ANO8: variants seen among roughly 807,000 people sequenced by gnomAD.
ANO8 encodes the protein anoctamin-8.
ANO8 carries 67 observed loss-of-function variants against 120.4 expected under a neutral mutation model. The observed-to-expected ratio is 0.56, with a 90% CI of 0.46 to 0.68. ANO8 has a LOEUF of 0.68. Ranked by LOEUF, ANO8 falls within the 30% of genes least tolerant of loss-of-function variation. The pLI is 0.00. For missense variants in ANO8, 1,526 were observed against 1,737.6 expected (o/e 0.88, Z 2.16); for synonymous variants, 727 against 759.2 (o/e 0.96, Z 0.70).
chr19:17,328,599 C>T lies in ANO8; in HGVS notation c.1789G>A (p.Glu597Lys). The change falls in exon 13 of 18, where the codon GAG becomes AAG. Residue 597 changes from glutamate to lysine, a missense_variant. Physicochemically the swap from Glu to Lys is moderately conservative, Grantham distance 56. Transcript: ENST00000159087. ...CCTTCCTCGCCCTCCTCCTCGTCCT[C>T]CTCTTCCTCCTCGTCCTCCTCCTCC... ...DEEEEDEEEE[E>K]DEEEGEEGGL... is the part of the protein sequence containing the mutation. 1 of 1,544,546 alleles carries T rather than the reference C, an allele frequency of 6.5e-7. No individual in the cohort carries two copies. The highest frequency in any genetic ancestry group is 8.7e-7 in the Non-Finnish European group (1 of 1,144,898).
Position 17,332,780 on chromosome 19 carries a change from G to A in ANO8, c.586+150C>T, listed in dbSNP as rs1483593699. 3 of 802,560 alleles carry A rather than the reference G, an allele frequency of 3.7e-6. No individual in the cohort carries two copies. In the African/African-American group the frequency reaches 5.2e-5, roughly 14 times the overall value. The allele number at this position is 802,560 out of a possible 1,614,324, so 49.7% of individuals were successfully genotyped here. A position where few individuals can be genotyped will look rare whatever the true frequency, so the allele number is the denominator to read the frequency against. ...AGATAAGCTCCACCCTTTTGCTAAG[G>A]CCACACCCCTTTAGCTCATTGGTTT... On this transcript the variant is annotated intron_variant, in intron 5 of 17. Transcript: ENST00000159087.
At position 17,324,797 on chromosome 19, in the gene ANO8, C is replaced by A; in HGVS notation, c.3251G>T (p.Ser1084Ile). The A allele has an allele frequency of 6.3e-7, 1 of 1,594,736 alleles. No individual in the cohort carries two copies. Among genetic ancestry groups the A allele is most frequent in the Admixed American group, 1.8e-5 (1 of 57,064 alleles). ...CACCGGCCCACTCCTCTGAACCCGG[C>A]TGCTGCCACTGCTGGGGGTCCCATC... ...RPDGTPSSGS[S>I]RVQRSGPVDE... Residue 1084 changes from serine (S) to isoleucine (I), a missense_variant, in exon 17 of 18, where the codon AGC (serine) becomes ATC (isoleucine). Around this residue, in one of 8 missense-constraint regions of ANO8, gnomAD observed 489 missense variants for 548.6 expected, o/e 0.89. Coordinates refer to ENST00000159087, the MANE Select transcript of ANO8 (RefSeq NM_020959.3).
chr19:17,329,504 C>A (rs2074301150), intron 12 of ANO8: 1 of 547,332 alleles, frequency 1.8e-6, no homozygotes, highest in Non-Finnish European at 3.3e-6. Flanking sequence ...CTGCAGCTGC[C>A]GCTCGAGGCT....
In ANO8 at chr19:17,323,888, C is replaced by CAG. The variant is rs2074255671; in HGVS notation, c.3332-5_3332-4insCT. 4.2e-5 allele frequency: 47 copies of CAG among 1,117,810 alleles called. No individual in the cohort carries two copies. The highest frequency in any genetic ancestry group is 4.8e-5 in the Non-Finnish European group (44 of 914,784). 69.2% of individuals were successfully genotyped at this position (1,117,810 alleles called of 1,614,324 possible). On this transcript the variant is annotated splice_region_variant and splice_polypyrimidine_tract_variant and intron_variant, in intron 17 of 17. Coordinates refer to ENST00000159087, the MANE Select transcript of ANO8 (RefSeq NM_020959.3). ...CCCACGGGGGCCAGCGCTGTCCCTG[C>CAG]GGAGGCGAGAGGGGCCGTTCCGGGG...
At position 17,331,144 on chromosome 19, in the gene ANO8, T is replaced by C. The variant is rs761488843; in HGVS notation, c.775A>G (p.Met259Val). ...FAWLGFYTSAMVYPAVFGSVL... is the reference protein window; with the variant it reads ...FAWLGFYTSAVVYPAVFGSVL... ...GACCCGAAGACAGCTGGGTATACCA[T>C]AGCCGACGTGTAGAAGCCCAGCCAG... The change falls in exon 7 of 18, where the codon ATG (methionine) becomes GTG (valine). Residue 259 changes from methionine (M) to valine (V), a missense_variant. Coordinates refer to ENST00000159087, the MANE Select transcript of ANO8 (RefSeq NM_020959.3). The C allele has an allele frequency of 1.4e-5, 23 of 1,614,082 alleles. No homozygotes were observed. Among genetic ancestry groups the C allele is most frequent in the Admixed American group, 1.3e-4 (8 of 60,006 alleles).
Position 17,323,343 on chromosome 19 carries a change from G to T in ANO8, c.*174C>A, listed in dbSNP as rs1175085202. Reference sequence around the variant, plus strand: ...TGTGTGTGTGTGTGTGTGTGTGTGTGTTTTCTGTTGGATTTGTGGGTTTCC... The same window carrying T: ...TGTGTGTGTGTGTGTGTGTGTGTGTTTTTTCTGTTGGATTTGTGGGTTTCC... On this transcript the variant is annotated 3_prime_UTR_variant, in exon 18 of 18. Coordinates refer to ENST00000159087, the MANE Select transcript of ANO8 (RefSeq NM_020959.3). 1.0e-5 allele frequency: 4 copies of T among 394,496 alleles called. No homozygotes were observed. The highest frequency in any genetic ancestry group is 1.8e-5 in the Non-Finnish European group (4 of 228,476). 24.4% of individuals were successfully genotyped at this position (394,496 alleles called of 1,614,324 possible). A position where few individuals can be genotyped will look rare whatever the true frequency, so the allele number is the denominator to read the frequency against.
chr19:17,334,814 C>G lies in ANO8; in HGVS notation c.-144G>C. On this transcript the variant is annotated 5_prime_UTR_variant, in exon 1 of 18. Coordinates refer to ENST00000159087, the MANE Select transcript of ANO8 (RefSeq NM_020959.3). ...GCGCCGGCCTCGGTCCTCGCTCGCC[C>G]GAGCGCTGCTTCTCGTCCCCGCCCG... The G allele has an allele frequency of 1.6e-6, 2 of 1,227,374 alleles. No homozygotes were observed. Among genetic ancestry groups the G allele is most frequent in the Middle Eastern group, 5.7e-4 (2 of 3,488 alleles). The allele number at this position is 1,227,374 out of a possible 1,614,324, so 76.0% of individuals were successfully genotyped here.
At chr19:17,329,279 C>T in intron 12 of ANO8, 1 of 398,846 alleles carries the variant, frequency 2.5e-6, no homozygotes, top group South Asian at 5.0e-5. Context: ...CAGCCGCCTG[C>T]ACCTGCTTGC....
At chr19:17,332,737 A>T (rs966069504) in intron 5 of ANO8, among the ~76,000 whole-genome samples, 193 bp downstream of exon 5, 1 of 152,100 alleles carries the variant, frequency 6.6e-6, no homozygotes, top group Non-Finnish European at 1.5e-5. Flanking sequence ...GTCCTCTCAG[A>T]GCTCCACCCA....
chr19:17,326,216 C>T (rs1284974268), intron 16 of ANO8, among the ~76,000 whole-genome samples: 3 of 152,142 alleles, frequency 2.0e-5, no homozygotes, highest in South Asian at 2.1e-4. Context: ...GAGACAGAAC[C>T]GTGGCTGCAG....
chr19:17,332,933 T>C lies in ANO8; in HGVS notation c.583A>G (p.Ile195Val). 6.2e-7 allele frequency: 1 copy of C among 1,614,098 alleles called. No homozygotes were observed. The highest frequency in any genetic ancestry group is 8.5e-7 in the Non-Finnish European group (1 of 1,180,036). The change falls in exon 5 of 18, where the codon ATC (isoleucine) becomes GTC (valine). Residue 195 changes from isoleucine (I) to valine (V), a missense_variant. By Grantham distance (29) the Ile-to-Val change is conservative. This residue lies in a region of ANO8 where 322 missense variants were observed against 431.8 expected (regional missense o/e 0.75). Coordinates refer to ENST00000159087, the MANE Select transcript of ANO8 (RefSeq NM_020959.3). ...GTGTTGACCCCGCCCTGCTCACTGA[T>C]TGGCTGGTCCTCCAGGAAGCGCACG... ...HNVRFLEDQP[I>V]IPELAARGII... is the part of the protein sequence containing the mutation.
At chr19:17,332,345 G>A (rs1483588797) in intron 5 of ANO8, among the ~76,000 whole-genome samples, 1 of 152,056 alleles carries the variant, frequency 6.6e-6, no homozygotes, top group East Asian at 1.9e-4. Flanking sequence ...CGAACTCCTG[G>A]GCTCAAGTGA....
chr19:17,328,142 A>AGGCCCCGCCCCCTGCGG lies in ANO8; in HGVS notation c.2226+19_2226+20insCCGCAGGGGGCGGGGCC. 5 of 1,405,834 alleles carry AGGCCCCGCCCCCTGCGG rather than the reference A, an allele frequency of 3.6e-6. No individual in the cohort carries two copies. The highest frequency in any genetic ancestry group is 4.8e-6 in the Non-Finnish European group (5 of 1,040,218). The allele number at this position is 1,405,834 out of a possible 1,614,324, so 87.1% of individuals were successfully genotyped here. ...CCCCGGCGAGGCCCCGCCCCCTGCG[A>AGGCCCCGCCCCCTGCGG]GGCCCCGCCCCCTCCTCACCTCGTA... On this transcript the variant is annotated intron_variant, in intron 13 of 17. Coordinates refer to ENST00000159087, the MANE Select transcript of ANO8 (RefSeq NM_020959.3).
At chr19:17,331,664 T>A (rs1260214306) in intron 5 of ANO8, among the ~76,000 whole-genome samples, 3 of 151,734 alleles carry the variant, frequency 2.0e-5, no homozygotes, top group Non-Finnish European at 4.4e-5. Flanking sequence ...TTTTTTTTTT[T>A]TTGAGACAGT....
intron 6 of ANO8, 30 bp from the exon 7 acceptor site, chr19:17,331,245 C>T: frequency 6.2e-7 from 1 of 1,614,156 alleles, no homozygotes. Flanking sequence ...TCTCAGTCAC[C>T]CCCTGCCTGT....
At chr19:17,326,761 G>A (rs1224859481) in intron 16 of ANO8, among the ~76,000 whole-genome samples, 1 of 152,270 alleles carries the variant, frequency 6.6e-6, no homozygotes, top group East Asian at 1.9e-4. Context: ...GCTTTCTGAG[G>A]AATGCGGAAG....
chr19:17,330,612 G>A, intron 8 of ANO8, 108 bp from the exon 9 acceptor site: 1 of 1,418,468 alleles, frequency 7.0e-7, no homozygotes, highest in Non-Finnish European at 9.3e-7. Flanking sequence ...ATGCGGAGGT[G>A]ACCCTCTCAG....
In ANO8 at chr19:17,333,956, C is replaced by T. The variant is rs923585028; in HGVS notation, c.107-156G>A. Among the ~76,000 whole-genome samples, 2 of 152,186 alleles carry T rather than the reference C, an allele frequency of 1.3e-5. No homozygotes were observed. The highest frequency in any genetic ancestry group is 2.9e-5 in the Non-Finnish European group (2 of 68,038). On this transcript the variant is annotated intron_variant, in intron 1 of 17. Transcript: ENST00000159087. This position sits in a 1 kb window ranked among gnomAD's most constrained non-coding sequence, Gnocchi z 7.2. Reference sequence around the variant, plus strand: ...GGCTTGGCTTATTTTCCTCCCTCCACGTCCTTGTACCAGCCAGGCCTTCCT... The same window carrying T: ...GGCTTGGCTTATTTTCCTCCCTCCATGTCCTTGTACCAGCCAGGCCTTCCT...
intron 16 of ANO8, among the ~76,000 whole-genome samples, chr19:17,326,900 C>T (rs1461700620): frequency 3.3e-5 from 5 of 152,188 alleles, no homozygotes; most frequent in Non-Finnish European, 7.3e-5. Context: ...ATTCCAGAAG[C>T]GACTGGACCC....
Sources: gnomAD v4.1 joint callset for allele counts (sites outside exome capture counted in the v4.1 genomes callset) on GRCh38, gnomAD v4.1.1 for gene constraint, gnomAD v4.1.1 regional missense constraint, Gnocchi (gnomAD v3.1) non-coding constraint, MANE v1.5 for transcripts, NCBI Gene and HGNC (gene_info 2026-07-23, HGNC 2026-07-21) for gene names.